ZFP91: variants seen among roughly 807,000 people sequenced by gnomAD.
ZFP91 encodes E3 ubiquitin-protein ligase ZFP91.
ZFP91 carries 7 observed loss-of-function variants against 63.5 expected under a neutral mutation model. That is an observed-to-expected ratio of 0.11 (90% CI 0.06 to 0.21). The LOEUF is 0.21. Ranked by LOEUF, ZFP91 falls within the 10% of genes least tolerant of loss-of-function variation. ZFP91 has a pLI of 1.00. For synonymous variants in ZFP91, 330 were observed against 272.1 expected (o/e 1.21, Z -2.10); for missense variants, 628 against 736.6 (o/e 0.85, Z 1.71).
intron 1 of ZFP91, among the ~76,000 whole-genome samples, chr11:58,581,793 C>T (rs982810863): frequency 3.3e-5 from 5 of 152,140 alleles, no homozygotes; most frequent in Non-Finnish European, 5.9e-5. Context: ...ATAACTGTTA[C>T]TGTTGTATAT....
At chr11:58,615,933 T>C (rs920205635) in intron 9 of ZFP91, among the ~76,000 whole-genome samples, 11 of 152,180 alleles carry the variant, frequency 7.2e-5, no homozygotes, top group African/African-American at 2.7e-4. Context: ...TCAACAAATA[T>C]ATATAGAGAG....
chr11:58,616,968 T>G (rs1344059654), intron 10 of ZFP91, among the ~76,000 whole-genome samples, 153 bp downstream of exon 10: 1 of 152,204 alleles, frequency 6.6e-6, no homozygotes, highest in Non-Finnish European at 1.5e-5. Context: ...AGTAGCCTTT[T>G]TCTTAGTTTC....
intron 2 of ZFP91, among the ~76,000 whole-genome samples, chr11:58,592,122 G>C (rs1464671931): frequency 2.7e-5 from 3 of 110,898 alleles, no homozygotes; most frequent in Non-Finnish European, 5.2e-5. Context: ...TTTCACTCTT[G>C]CCCAGGCTGG....
chr11:58,611,565 G>T (rs1422421252), intron 5 of ZFP91, 39 bp from the exon 6 acceptor site: 29 of 1,592,382 alleles, frequency 1.8e-5, no homozygotes, highest in Non-Finnish European at 2.4e-5. Flanking sequence ...TCCTTGAAAA[G>T]ATCTTTTGTC....
rs1227761520 is a variant in ZFP91, at chr11:58,612,822, C to T, written c.969C>T (p.Ala323=). 6.2e-7 allele frequency: 1 copy of T among 1,611,976 alleles called. No individual in the cohort carries two copies. The highest frequency in any genetic ancestry group is 8.5e-7 in the Non-Finnish European group (1 of 1,179,228). The change falls in exon 8 of 11, where the codon GCC becomes GCT. Residue 323 remains alanine (A), a synonymous_variant. Transcript: ENST00000316059. ...TGGAAGGATGTGGAACTGTCCTTGC[C>T]CATCCTCGCTATTTGCAGGTCAGTG... ...CEMEGCGTVL[A]HPRYLQHHIK...
In ZFP91 at chr11:58,611,213, T is replaced by C. The variant is rs1290375842; in HGVS notation, c.722+159T>C. ...CTTTTGTAAGTCTAACACCTTAATA[T>C]ACCCTGATAATAATCCTCTTTCCCA... On this transcript the variant is annotated intron_variant, in intron 5 of 10. Transcript: ENST00000316059. 5.4e-6 allele frequency: 3 copies of C among 556,558 alleles called. No individual in the cohort carries two copies. In the South Asian group the frequency reaches 1.0e-4, roughly 19 times the overall value. The allele number at this position is 556,558 out of a possible 1,614,324, so 34.5% of individuals were successfully genotyped here. A position where few individuals can be genotyped will look rare whatever the true frequency, so the allele number is the denominator to read the frequency against.
chr11:58,606,483 T>G (rs964673597), intron 2 of ZFP91, among the ~76,000 whole-genome samples: 5 of 152,240 alleles, frequency 3.3e-5, no homozygotes, highest in African/African-American at 1.2e-4. Context: ...TGATTGTCTT[T>G]AGTTCTTTAA....
At chr11:58,606,537 T>C (rs1047710458) in intron 2 of ZFP91, among the ~76,000 whole-genome samples, 1 of 152,200 alleles carries the variant, frequency 6.6e-6, no homozygotes, top group Non-Finnish European at 1.5e-5. Flanking sequence ...GGGGTACATG[T>C]GCAGGTTTGT....
intron 2 of ZFP91, among the ~76,000 whole-genome samples, chr11:58,594,608 T>A (rs941843558): frequency 2.0e-5 from 3 of 152,224 alleles, no homozygotes; most frequent in Non-Finnish European, 4.4e-5. Context: ...AAGCCTAATA[T>A]TTTTTATCCT....
chr11:58,583,794 CTA>C (rs1187941521), intron 1 of ZFP91, among the ~76,000 whole-genome samples: 1 of 151,926 alleles, frequency 6.6e-6, no homozygotes, highest in African/African-American at 2.4e-5. Flanking sequence ...ACAGTGATAA[CTA>C]TTGTTTCTAA....
chr11:58,611,315 G>A, intron 5 of ZFP91: 4 of 482,230 alleles, frequency 8.3e-6, no homozygotes, highest in Non-Finnish European at 1.4e-5. Context: ...ATCATGAATT[G>A]CCTGAATACT....
At chr11:58,612,533 C>G in intron 7 of ZFP91, 1 of 624,650 alleles carries the variant, frequency 1.6e-6, no homozygotes, top group Non-Finnish European at 2.8e-6. Flanking sequence ...AATACTTTAC[C>G]TTTGGGGGGT....
chr11:58,601,789 T>C (rs1855494226), intron 2 of ZFP91, among the ~76,000 whole-genome samples: 1 of 152,198 alleles, frequency 6.6e-6, no homozygotes, highest in South Asian at 2.1e-4. Flanking sequence ...GTGTGTTAAT[T>C]TTCATGTATT....
chr11:58,611,683 G>T lies in ZFP91; in HGVS notation c.802G>T (p.Val268Leu). ...EKKEIKVEVE[V>L]EVKEEENEIR... ...GAAGGAAATTAAAGTGGAAGTAGAG[G>T]TGGAGGTGAAAGAAGAGGAGAATGA... The change falls in exon 6 of 11, where the codon GTG becomes TTG. Residue 268 changes from valine to leucine, a missense_variant. By Grantham distance (32) the Val-to-Leu change is conservative. Coordinates refer to ENST00000316059, the MANE Select transcript of ZFP91 (RefSeq NM_053023.5). 2 of 1,612,500 alleles carry T rather than the reference G, an allele frequency of 1.2e-6. No individual in the cohort carries two copies. The highest frequency in any genetic ancestry group is 1.7e-6 in the Non-Finnish European group (2 of 1,179,140).
At position 58,621,153 on chromosome 11, in the gene ZFP91, A is replaced by G. The variant is rs942864104; in HGVS notation, c.*3447A>G. ...GAACAGGTGTTATGTGGGGCATACT[A>G]TTGTTTGCTTTTGTTGAGAATCAGG... is the stretch of plus-strand genomic sequence containing the variant. On this transcript the variant is annotated 3_prime_UTR_variant, in exon 11 of 11. Coordinates refer to ENST00000316059, the MANE Select transcript of ZFP91 (RefSeq NM_053023.5). The G allele has an allele frequency of 2.0e-5, 3 of 151,868 alleles. No individual in the cohort carries two copies. Among genetic ancestry groups the G allele is most frequent in the African/African-American group, 4.9e-5 (2 of 41,090 alleles). The allele number at this position is 151,868 out of a possible 1,614,324, so 9.4% of individuals were successfully genotyped here.
intron 7 of ZFP91, 99 bp from the exon 8 acceptor site, chr11:58,612,663 A>T: frequency 1.1e-6 from 1 of 886,396 alleles, no homozygotes; most frequent in South Asian, 1.6e-5. Context: ...TTCCTACTAT[A>T]AAATAGCTAT....
chr11:58,580,611 A>G (rs1465128673), intron 1 of ZFP91, among the ~76,000 whole-genome samples: 1 of 152,226 alleles, frequency 6.6e-6, no homozygotes, highest in African/African-American at 2.4e-5. Context: ...AGATAGTGGC[A>G]AGGTTTGACT....
At chr11:58,589,483 A>G (rs1855268201) in intron 2 of ZFP91, among the ~76,000 whole-genome samples, 1 of 152,170 alleles carries the variant, frequency 6.6e-6, no homozygotes, top group South Asian at 2.1e-4. Flanking sequence ...TCTTAATACT[A>G]CTGAGATTGG....
In ZFP91 at chr11:58,579,587, G is replaced by C. The variant is rs1276353657; in HGVS notation, c.306G>C (p.Pro102=). ...PGQQPQAAKS[P]SPVQGKKSPR... is the part of the protein sequence containing the mutation. ...AGCAGCCCCAGGCCGCGAAGTCCCC[G>C]TCTCCAGTTCAGGGCAAGAAGAGTC... The change falls in exon 1 of 11, where the codon CCG becomes CCC. Residue 102 remains proline, a synonymous_variant. Transcript: ENST00000316059. The C allele has an allele frequency of 1.3e-6, 2 of 1,581,924 alleles. No homozygotes were observed. The highest frequency in any genetic ancestry group is 1.8e-5 in the Admixed American group (1 of 56,510).
Sources: allele counts gnomAD v4.1 joint callset (sites outside exome capture counted in the v4.1 genomes callset), GRCh38; gene constraint gnomAD v4.1.1; transcripts MANE v1.5; gene names NCBI Gene and HGNC (gene_info 2026-07-23, HGNC 2026-07-21).